TTLL10: variants seen among roughly 807,000 people sequenced by gnomAD.
The protein encoded by TTLL10 is tubulin tyrosine ligase like 10.
Under a neutral mutation model 69.0 loss-of-function variants are expected in TTLL10, and 61 were observed. The ratio of observed to expected loss-of-function variants is 0.88; its 90% CI spans 0.72 to 1.09. The LOEUF (loss-of-function observed/expected upper bound fraction) is 1.09, where lower values mean the gene tolerates loss of function less well. TTLL10 is among the 50% of genes least tolerant of loss of function. TTLL10 has a pLI of 0.00. For synonymous variants in TTLL10, 408 were observed against 393.3 expected (o/e 1.04, Z -0.44); for missense variants, 962 against 945.9 (o/e 1.02, Z -0.22).
intron 13 of TTLL10, among the ~76,000 whole-genome samples, chr1:1,193,242 G>A (rs539861063): frequency 1.6e-4 from 25 of 152,118 alleles, no homozygotes; most frequent in East Asian, 3.9e-4. Flanking sequence ...GGAGAATGGC[G>A]TGAACCCAGG....
At chr1:1,189,082 G>A (rs1467432774) in intron 13 of TTLL10, among the ~76,000 whole-genome samples, 1 of 152,148 alleles carries the variant, frequency 6.6e-6, no homozygotes, top group African/African-American at 2.4e-5. Flanking sequence ...TAAGGATCAT[G>A]TCATCTGGAA....
At chr1:1,196,981 T>C in intron 14 of TTLL10, 112 bp from the exon 15 acceptor site, 5 of 1,066,170 alleles carry the variant, frequency 4.7e-6, no homozygotes, top group East Asian at 2.6e-5. Context: ...AGCAAGGCTA[T>C]AGGAAGGAAG....
At chr1:1,175,422 G>A in intron 3 of TTLL10, 1 of 334,916 alleles carries the variant, frequency 3.0e-6, no homozygotes, top group Non-Finnish European at 5.9e-6. Context: ...CCCGTGGACG[G>A]TGAAAGGGGC....
At position 1,185,354 on chromosome 1, in the gene TTLL10, C is replaced by A. The variant is rs571410418; in HGVS notation, c.1401+245C>A. The A allele has an allele frequency of 2.2e-6, 3 of 1,352,154 alleles. No homozygotes were observed. Among genetic ancestry groups the A allele is most frequent in the African/African-American group, 3.0e-5 (2 of 66,858 alleles). The allele number at this position is 1,352,154 out of a possible 1,614,324, so 83.8% of individuals were successfully genotyped here. On this transcript the variant is annotated intron_variant, in intron 13 of 15. Transcript: ENST00000379289. The surrounding 1 kb of genome is among the most constrained non-coding windows in gnomAD (Gnocchi z 6.1). ...CGGGGGTCTGTCGGCACGAGTCCCG[C>A]GGGCAGCCTCGCCGTAGGGTCAGGG...
Position 1,196,580 on chromosome 1 carries a change from G to A in TTLL10, c.1402-20G>A. On this transcript the variant is annotated intron_variant, in intron 13 of 15. Transcript: ENST00000379289. ...AGGGCCTACGGGCCGCAGCCAGGAT[G>A]CCTCCCTGCCTCCCTGCAGAAGCGG... 6.5e-7 allele frequency: 1 copy of A among 1,538,904 alleles called. No individual in the cohort carries two copies. The highest frequency in any genetic ancestry group is 1.2e-5 in the South Asian group (1 of 83,802).
In TTLL10 at chr1:1,180,482, G is replaced by A; in HGVS notation, c.507-1G>A. ...GTCACCCCCGCCCCCACCCCTCGCA[G>A]CATCAGCTCCTACTGCAAAAGCAAG... On this transcript the variant is annotated splice_acceptor_variant, in intron 6 of 15. Transcript: ENST00000379289. LOFTEE classifies it high-confidence loss of function. The A allele has an allele frequency of 7.6e-7, 1 of 1,320,536 alleles. No individual in the cohort carries two copies. Among genetic ancestry groups the A allele is most frequent in the Non-Finnish European group, 1.1e-6 (1 of 952,106 alleles). The allele number at this position is 1,320,536 out of a possible 1,614,324, so 81.8% of individuals were successfully genotyped here.
intron 13 of TTLL10, among the ~76,000 whole-genome samples, chr1:1,188,428 CAG>C (rs1350498680): frequency 1.4e-5 from 2 of 138,258 alleles, no homozygotes; most frequent in Non-Finnish European, 3.1e-5. Flanking sequence ...TTTTTTGAGA[CAG>C]AGTCTCATTC....
rs554976890 is a variant in TTLL10, at chr1:1,197,904, C to T, written c.*57C>T. The T allele has an allele frequency of 7.3e-7, 1 of 1,376,752 alleles. No individual in the cohort carries two copies. Among genetic ancestry groups the T allele is most frequent in the African/African-American group, 1.5e-5 (1 of 64,810 alleles). The allele number at this position is 1,376,752 out of a possible 1,614,324, so 85.3% of individuals were successfully genotyped here. ...CCGCGCCCCAGCCGTGCTGCCTGCCCTCAGGGACCTATAAAGCCCACTTTG... is the reference window on the plus strand; with the variant it reads ...CCGCGCCCCAGCCGTGCTGCCTGCCTTCAGGGACCTATAAAGCCCACTTTG... On this transcript the variant is annotated 3_prime_UTR_variant, in exon 16 of 16. Coordinates refer to ENST00000379289, the MANE Select transcript of TTLL10 (RefSeq NM_001130045.2).
At chr1:1,183,602 C>T (rs1647147899) in intron 11 of TTLL10, among the ~76,000 whole-genome samples, 1 of 152,210 alleles carries the variant, frequency 6.6e-6, no homozygotes. Context: ...CCTCTGCCTG[C>T]TGTGCTCCCT....
At chr1:1,176,751 C>T (rs1392298718) in intron 3 of TTLL10, among the ~76,000 whole-genome samples, 1 of 152,200 alleles carries the variant, frequency 6.6e-6, no homozygotes, top group South Asian at 2.1e-4. Flanking sequence ...CCACGGTGAC[C>T]CTGCTGTGCG....
Position 1,183,040 on chromosome 1 carries a change from G to A in TTLL10, c.1081G>A (p.Val361Met). The change falls in exon 11 of 16, where the codon GTG becomes ATG. Residue 361 changes from valine to methionine, a missense_variant. Val to Met is a conservative substitution (Grantham distance 21). Coordinates refer to ENST00000379289, the MANE Select transcript of TTLL10 (RefSeq NM_001130045.2). ...TPFRGPQARV[V>M]QRYIQNPLLV... ...GTTCCGGGGGCCTCAGGCGCGGGTG[G>A]TGCAGAGGTGCGGCGGCGGGTGCCC... is the stretch of plus-strand genomic sequence containing the variant. 3.7e-6 allele frequency: 6 copies of A among 1,602,138 alleles called. No homozygotes were observed. Among genetic ancestry groups the A allele is most frequent in the Non-Finnish European group, 5.1e-6 (6 of 1,174,902 alleles).
intron 4 of TTLL10, 157 bp from the exon 5 acceptor site, chr1:1,179,500 C>A: frequency 7.5e-7 from 1 of 1,332,174 alleles, no homozygotes; most frequent in Non-Finnish European, 1.0e-6. Flanking sequence ...GGGCGCCGGG[C>A]TCTGCAGGCA....
At chr1:1,183,846 G>T in intron 11 of TTLL10, 74 bp from the exon 12 acceptor site, 1 of 1,584,126 alleles carries the variant, frequency 6.3e-7, no homozygotes, top group Non-Finnish European at 8.6e-7. Flanking sequence ...AACAGGCCCG[G>T]GGTGGGGTGT....
intron 9 of TTLL10, 65 bp from the exon 10 acceptor site, chr1:1,182,296 C>T (rs1418861335): frequency 8.1e-6 from 12 of 1,479,868 alleles, no homozygotes; most frequent in Non-Finnish European, 1.1e-5. Context: ...GGCTGGGCCT[C>T]AAACCGCCCA....
intron 3 of TTLL10, among the ~76,000 whole-genome samples, chr1:1,176,694 C>T (rs549230205): frequency 4.7e-4 from 72 of 152,306 alleles, no homozygotes; most frequent in African/African-American, 1.5e-3. Flanking sequence ...CTCCTTCCTC[C>T]GGCTCTGTGC....
In TTLL10 at chr1:1,182,437, T is replaced by C; in HGVS notation, c.907T>C (p.Leu303=). ...LKHEREAFFT[L]FDETQIWICK... Reference sequence around the variant, plus strand: ...ACACGAGAGAGAGGCCTTTTTCACCTTGTTTGATGGTGAGACGCTGCTGGC... The same window carrying C: ...ACACGAGAGAGAGGCCTTTTTCACCCTGTTTGATGGTGAGACGCTGCTGGC... Residue 303 remains leucine, a synonymous_variant, in exon 10 of 16, where the codon TTG becomes CTG. Transcript: ENST00000379289. The C allele has an allele frequency of 6.2e-7, 1 of 1,613,744 alleles. No homozygotes were observed. Among genetic ancestry groups the C allele is most frequent in the Non-Finnish European group, 8.5e-7 (1 of 1,179,840 alleles).
In TTLL10 at chr1:1,179,908, C is replaced by T. The variant is rs1249916696; in HGVS notation, c.200-126C>T. On this transcript the variant is annotated intron_variant, in intron 5 of 15. Coordinates refer to ENST00000379289, the MANE Select transcript of TTLL10 (RefSeq NM_001130045.2). ...CCAGAGCTCGGGCTGAACTTGAGCCCCAGACGGGCCAGGGGGATTGTCCAG... is the reference window on the plus strand; with the variant it reads ...CCAGAGCTCGGGCTGAACTTGAGCCTCAGACGGGCCAGGGGGATTGTCCAG... 13 of 1,437,358 alleles carry T rather than the reference C, an allele frequency of 9.0e-6. No individual in the cohort carries two copies. The South Asian group carries it at 1.9e-4, about 21-fold the overall frequency. The allele number at this position is 1,437,358 out of a possible 1,614,324, so 89.0% of individuals were successfully genotyped here.
At position 1,185,789 on chromosome 1, in the gene TTLL10, C is replaced by CAGTT; in HGVS notation, c.1401+682_1401+685dup. The CAGTT allele has an allele frequency of 6.1e-6, 6 of 985,358 alleles. No individual in the cohort carries two copies. Among genetic ancestry groups the CAGTT allele is most frequent in the Non-Finnish European group, 7.2e-6 (6 of 829,948 alleles). The allele number at this position is 985,358 out of a possible 1,614,324, so 61.0% of individuals were successfully genotyped here. ...GGACGGCAGCGCTCAGAGGAGCCTC[C>CAGTT]AGTTACTTTCCTCACATCTCCCAAA... On this transcript the variant is annotated intron_variant, in intron 13 of 15. Transcript: ENST00000379289. The surrounding 1 kb of genome is among the most constrained non-coding windows in gnomAD (Gnocchi z 6.1).
chr1:1,194,027 C>T (rs1197375098), intron 13 of TTLL10, among the ~76,000 whole-genome samples: 1 of 152,048 alleles, frequency 6.6e-6, no homozygotes, highest in Non-Finnish European at 1.5e-5. Context: ...GGAGTGTGCA[C>T]CTGTAGTCCT....
Sources: gnomAD v4.1 joint callset for allele counts (sites outside exome capture counted in the v4.1 genomes callset) on GRCh38, gnomAD v4.1.1 for gene constraint, Gnocchi (gnomAD v3.1) non-coding constraint, MANE v1.5 for transcripts, NCBI Gene and HGNC (gene_info 2026-07-23, HGNC 2026-07-21) for gene names.